Variants in CERT1 observed in about 807,000 individuals in gnomAD.
CERT1 encodes ceramide transporter 1.
Under a neutral mutation model 87.9 loss-of-function variants are expected in CERT1, and 31 were observed. The observed-to-expected ratio is 0.35, with a 90% CI of 0.27 to 0.48. The LOEUF is 0.48. Among genes scored for constraint, CERT1 ranks in the 20% least tolerant of loss-of-function variants. The pLI is 0.99. For missense variants in CERT1, 487 were observed against 758.0 expected (o/e 0.64, Z 4.20); for synonymous variants, 289 against 250.9 (o/e 1.15, Z -1.44).
In CERT1 at chr5:75,498,703, G is replaced by A. The variant is rs1441067539; in HGVS notation, c.231+7279C>T. On this transcript the variant is annotated intron_variant, in intron 2 of 16. Coordinates refer to ENST00000643780, the MANE Select transcript of CERT1 (RefSeq NM_001379029.1). Reference sequence around the variant, plus strand: ...CCTGGATGTCCAGGCATTAGTTTGCGGCAGGAGGGGAGCCCTCATGGAGAA... The same window carrying A: ...CCTGGATGTCCAGGCATTAGTTTGCAGCAGGAGGGGAGCCCTCATGGAGAA... Among the ~76,000 whole-genome samples the A allele has an allele frequency of 2.0e-5, 3 of 152,324 alleles. No individual in the cohort carries two copies. In the South Asian group the frequency reaches 6.2e-4, roughly 32 times the overall value.
intron 11 of CERT1, 77 bp downstream of exon 11, chr5:75,399,233 G>C: frequency 8.9e-7 from 1 of 1,129,534 alleles, no homozygotes; most frequent in Non-Finnish European, 1.3e-6. Flanking sequence ...CTAACCAAAA[G>C]ATTTCTAGGA....
At chr5:75,440,763 G>A (rs921494999) in intron 3 of CERT1, among the ~76,000 whole-genome samples, 2 of 117,994 alleles carry the variant, frequency 1.7e-5, no homozygotes, top group Non-Finnish European at 3.2e-5. Flanking sequence ...CATTGCTTAT[G>A]ACCATCCAAA....
At position 75,379,028 on chromosome 5, in the gene CERT1, A is replaced by C. The variant is rs1203503453; in HGVS notation, c.*318T>G. 4.1e-5 allele frequency: 8 copies of C among 194,546 alleles called. No individual in the cohort carries two copies. Among genetic ancestry groups the C allele is most frequent in the Non-Finnish European group, 8.4e-5 (8 of 95,066 alleles). The allele number at this position is 194,546 out of a possible 1,614,324, so 12.1% of individuals were successfully genotyped here. On this transcript the variant is annotated 3_prime_UTR_variant, in exon 17 of 17. Coordinates refer to ENST00000643780, the MANE Select transcript of CERT1 (RefSeq NM_001379029.1). ...ACCCCTATCTCTACAAAAAATAAAA[A>C]ATTAGCTGAGCATGGTGGCACATGC... is the stretch of plus-strand genomic sequence containing the variant.
At chr5:75,447,287 A>C (rs1001715384) in intron 3 of CERT1, among the ~76,000 whole-genome samples, 25 of 152,094 alleles carry the variant, frequency 1.6e-4, no homozygotes, top group African/African-American at 6.0e-4. Flanking sequence ...CTAGGTGGGG[A>C]GACAGATTCT....
At chr5:75,503,277 C>T (rs932220888) in intron 2 of CERT1, among the ~76,000 whole-genome samples, 7 of 151,794 alleles carry the variant, frequency 4.6e-5, no homozygotes, top group East Asian at 1.9e-4. Context: ...TTTCTTTGTA[C>T]GTGAATATTA....
chr5:75,486,269 T>C (rs957824920), intron 2 of CERT1, among the ~76,000 whole-genome samples: 2 of 152,134 alleles, frequency 1.3e-5, no homozygotes, highest in Non-Finnish European at 2.9e-5. Context: ...TTTAAATTGA[T>C]GCTGAGAAAA....
intron 3 of CERT1, among the ~76,000 whole-genome samples, chr5:75,450,837 T>C (rs1469884961): frequency 2.0e-5 from 3 of 152,218 alleles, no homozygotes; most frequent in Non-Finnish European, 4.4e-5. Context: ...TGAACCAATG[T>C]ATGCCTCACA....
At chr5:75,495,952 T>C (rs962852011) in intron 2 of CERT1, among the ~76,000 whole-genome samples, 2 of 150,326 alleles carry the variant, frequency 1.3e-5, no homozygotes, top group Non-Finnish European at 3.0e-5. Context: ...AATAAATAAA[T>C]AAAAAAAAGA....
chr5:75,494,756 G>A (rs559834143), intron 2 of CERT1, among the ~76,000 whole-genome samples: 4 of 152,104 alleles, frequency 2.6e-5, no homozygotes, highest in African/African-American at 4.8e-5. Context: ...CTTAGCACTT[G>A]ACCATTTGTT....
chr5:75,408,952 T>C (rs1479686575), intron 8 of CERT1, among the ~76,000 whole-genome samples: 1 of 151,946 alleles, frequency 6.6e-6, no homozygotes, highest in African/African-American at 2.4e-5. Context: ...AAAACCTGTG[T>C]TGATGGAAGC....
At chr5:75,509,618 C>T (rs1455322622) in intron 1 of CERT1, among the ~76,000 whole-genome samples, 1 of 152,008 alleles carries the variant, frequency 6.6e-6, no homozygotes, top group Non-Finnish European at 1.5e-5. Context: ...CCCCCGGTCA[C>T]TCCACTCCCC....
intron 1 of CERT1, among the ~76,000 whole-genome samples, chr5:75,510,487 T>A (rs914398546): frequency 6.6e-6 from 1 of 152,174 alleles, no homozygotes; most frequent in Non-Finnish European, 1.5e-5. Flanking sequence ...AAGATCAGTC[T>A]CCATTCTCAC....
intron 2 of CERT1, among the ~76,000 whole-genome samples, chr5:75,491,631 T>C (rs1211166199): frequency 1.3e-5 from 2 of 152,174 alleles, no homozygotes; most frequent in Non-Finnish European, 2.9e-5. Context: ...AGGGTCCCCT[T>C]GCGGCAATGG....
At chr5:75,473,280 C>T (rs536818013) in intron 2 of CERT1, among the ~76,000 whole-genome samples, 3 of 152,042 alleles carry the variant, frequency 2.0e-5, no homozygotes, top group Non-Finnish European at 4.4e-5. Context: ...CAGGGTCTTG[C>T]TATGCTATGC....
intron 2 of CERT1, among the ~76,000 whole-genome samples, chr5:75,474,207 C>G (rs535823265): frequency 6.6e-6 from 1 of 152,172 alleles, no homozygotes; most frequent in African/African-American, 2.4e-5. Context: ...GCCCCTGTCA[C>G]GTACCCCCTG....
intron 2 of CERT1, among the ~76,000 whole-genome samples, chr5:75,475,151 C>T (rs1187581255): frequency 6.6e-6 from 1 of 152,128 alleles, no homozygotes; most frequent in African/African-American, 2.4e-5. Flanking sequence ...ACCTACGATG[C>T]TTCTAAGAGA....
downstream of CERT1, chr5:75,374,497 A>G (rs1390362025): frequency 4.2e-6 from 3 of 722,376 alleles, no homozygotes; most frequent in Admixed American, 3.5e-5. Context: ...GGTTGTGCCA[A>G]AAAGGGCCAC....
chr5:75,441,836 T>C (rs979012773), intron 3 of CERT1, among the ~76,000 whole-genome samples: 2 of 152,258 alleles, frequency 1.3e-5, no homozygotes, highest in South Asian at 2.1e-4. Flanking sequence ...GTTGCTTCCA[T>C]GTTTTTGTGA....
intron 2 of CERT1, among the ~76,000 whole-genome samples, chr5:75,502,477 T>C (rs940195021): frequency 4.6e-4 from 70 of 152,038 alleles, no homozygotes; most frequent in African/African-American, 1.7e-3. Context: ...AAAAACAGGG[T>C]CCAGGCAAAT....
Sources: gnomAD v4.1 joint callset for allele counts (sites outside exome capture counted in the v4.1 genomes callset) on GRCh38, gnomAD v4.1.1 for gene constraint, MANE v1.5 for transcripts, NCBI Gene and HGNC (gene_info 2026-07-23, HGNC 2026-07-21) for gene names.